Variants in KLF12 observed in about 807,000 individuals in gnomAD.
KLF12 encodes KLF transcription factor 12, also known as Krueppel-like factor 12.
A neutral mutation model predicts 37.8 loss-of-function variants in KLF12; 9 were observed. The observed-to-expected ratio is 0.24, with a 90% CI of 0.14 to 0.42. The LOEUF is 0.42. Among genes scored for constraint, KLF12 ranks in the 10% least tolerant of loss-of-function variants. The pLI is 1.00. For missense variants in KLF12, 411 were observed against 516.0 expected, an observed-to-expected ratio of 0.80 and a Z score of 1.97; for synonymous variants, 208 against 202.1, an observed-to-expected ratio of 1.03 and a Z score of -0.25.
chr13:73,782,714 C>T (rs1230639999), intron 5 of KLF12, among the ~76,000 whole-genome samples: 2 of 152,140 alleles, frequency 1.3e-5, no homozygotes, highest in Non-Finnish European at 2.9e-5. Context: ...GGAAGTATGA[C>T]CCAGTGGTTG....
chr13:73,765,724 C>G (rs1482197774), intron 5 of KLF12, among the ~76,000 whole-genome samples: 1 of 152,142 alleles, frequency 6.6e-6, no homozygotes, highest in Non-Finnish European at 1.5e-5. Context: ...AGTAAACCTC[C>G]GCCTCTTTGT....
At chr13:74,103,379 G>C (rs1290783033) in intron 1 of KLF12, among the ~76,000 whole-genome samples, 2 of 152,168 alleles carry the variant, frequency 1.3e-5, no homozygotes, top group Non-Finnish European at 1.5e-5. Flanking sequence ...AAAAATGTGT[G>C]TGTTCAAAGA....
the KLF12 span, among the ~76,000 whole-genome samples, chr13:74,252,993 ATCT>A: frequency 8.2e-6 from 1 of 121,790 alleles, no homozygotes; most frequent in African/African-American, 5.5e-5. Flanking sequence ...CTATCTATCT[ATCT>A]ATCTATCTAT....
chr13:74,070,045 T>C (rs773855072), intron 1 of KLF12, among the ~76,000 whole-genome samples: 22 of 152,032 alleles, frequency 1.4e-4, no homozygotes, highest in Non-Finnish European at 2.8e-4. Context: ...ACTCTATGGG[T>C]AGAATTTGAA....
At chr13:74,017,134 GTA>G (rs1892707309) in intron 1 of KLF12, among the ~76,000 whole-genome samples, 1 of 151,844 alleles carries the variant, frequency 6.6e-6, no homozygotes, top group Non-Finnish European at 1.5e-5. Context: ...AATACTGTGT[GTA>G]TATCTTCATT....
intron 3 of KLF12, among the ~76,000 whole-genome samples, chr13:73,859,028 T>G (rs1885763147): frequency 6.6e-6 from 1 of 152,204 alleles, no homozygotes; most frequent in African/African-American, 2.4e-5. Flanking sequence ...GGGACAAACA[T>G]TTTTGCTCTC....
chr13:74,275,807 C>T, the KLF12 span, among the ~76,000 whole-genome samples: 13,226 of 49,514 alleles, frequency 0.27, 2,301 homozygotes, highest in East Asian at 0.44. Flanking sequence ...TCTTTCTTTC[C>T]TTCTTTCTTT....
chr13:74,283,858 C>CT, the KLF12 span, among the ~76,000 whole-genome samples: 101,565 of 143,548 alleles, frequency 0.71, 36,619 homozygotes, highest in East Asian at 0.86. Flanking sequence ...ATGTATAAAT[C>CT]TTTTTTTTTT....
the KLF12 span, among the ~76,000 whole-genome samples, chr13:74,165,778 C>T: frequency 6.6e-6 from 1 of 152,198 alleles, no homozygotes; most frequent in Non-Finnish European, 1.5e-5. Context: ...CTTCACATGC[C>T]ACCTCTGGAC....
intron 1 of KLF12, among the ~76,000 whole-genome samples, chr13:74,120,035 G>C (rs542030973): frequency 2.6e-5 from 4 of 151,518 alleles, no homozygotes; most frequent in Non-Finnish European, 5.9e-5. Context: ...ATAAATGAGA[G>C]GATACTGGAG....
chr13:73,739,766 G>C (rs1877819990), intron 6 of KLF12, among the ~76,000 whole-genome samples: 1 of 152,204 alleles, frequency 6.6e-6, no homozygotes, highest in Non-Finnish European at 1.5e-5. Flanking sequence ...ACATAGACAT[G>C]ATGATAAATA....
chr13:74,304,953 A>G, the KLF12 span, among the ~76,000 whole-genome samples: 8 of 152,138 alleles, frequency 5.3e-5, no homozygotes, highest in East Asian at 1.5e-3. Flanking sequence ...CGCTTATTTA[A>G]GATGGCTTTC....
intron 6 of KLF12, among the ~76,000 whole-genome samples, chr13:73,754,177 C>T (rs1878983942): frequency 1.3e-5 from 2 of 152,106 alleles, no homozygotes; most frequent in South Asian, 4.1e-4. Context: ...GAGAGAGTAG[C>T]AAGCCAAATG....
At chr13:74,073,025 A>T (rs1874367736) in intron 1 of KLF12, among the ~76,000 whole-genome samples, 1 of 152,146 alleles carries the variant, frequency 6.6e-6, no homozygotes, top group Non-Finnish European at 1.5e-5. Flanking sequence ...GTGTCTCATG[A>T]GATTTAATGG....
chr13:73,807,042 C>T lies in KLF12; in HGVS notation c.806+6110G>A, dbSNP rs552222829. ...AGAATTATGGCCGGGCACGGTGGCT[C>T]ACACCTGTAAATCCCAACGCTTTGG... On this transcript the variant is annotated intron_variant, in intron 5 of 7. Coordinates refer to ENST00000377669, the MANE Select transcript of KLF12 (RefSeq NM_007249.5). Among the ~76,000 whole-genome samples the T allele has an allele frequency of 2.0e-5, 3 of 152,180 alleles. No homozygotes were observed. In the East Asian group the frequency reaches 5.8e-4, roughly 29 times the overall value.
At chr13:74,265,789 T>G in the KLF12 span, among the ~76,000 whole-genome samples, 1 of 152,164 alleles carries the variant, frequency 6.6e-6, no homozygotes, top group African/African-American at 2.4e-5. Flanking sequence ...AACTCAGGAA[T>G]AAGAGTTATT....
chr13:74,084,161 T>A, intron 1 of KLF12, among the ~76,000 whole-genome samples: 1 of 152,194 alleles, frequency 6.6e-6, no homozygotes, highest in East Asian at 1.9e-4. Context: ...CATAACCGAA[T>A]GAACAGGGTG....
intron 3 of KLF12, among the ~76,000 whole-genome samples, chr13:73,902,351 C>T (rs536189982): frequency 6.6e-6 from 1 of 152,234 alleles, no homozygotes; most frequent in East Asian, 1.9e-4. Flanking sequence ...TTCAAAAATG[C>T]CAGACATTGC....
rs1279640012 is a variant in KLF12 at position 73,943,262 on chromosome 13, C to CA, written c.123+718dup. Among the ~76,000 whole-genome samples, 24 of 152,282 alleles carry CA rather than the reference C, an allele frequency of 1.6e-4. No homozygotes were observed. The East Asian group carries it at 4.6e-3, about 29-fold the overall frequency. On this transcript the variant is annotated intron_variant, in intron 3 of 7. Transcript: ENST00000377669. ...ATAAAATAAGTAGCCAACAGGCACTCAGCCACATGAGCAGCACTTTATCTC... is the reference window on the plus strand; with the variant it reads ...ATAAAATAAGTAGCCAACAGGCACTCAAGCCACATGAGCAGCACTTTATCTC...
Sources: gnomAD v4.1 joint callset for allele counts (sites outside exome capture counted in the v4.1 genomes callset) on GRCh38, gnomAD v4.1.1 for gene constraint, MANE v1.5 for transcripts, NCBI Gene and HGNC (gene_info 2026-07-23, HGNC 2026-07-21) for gene names.